The following AMPD3 variants were observed in gnomAD, a reference collection of about 807,000 sequenced individuals.
AMPD3 encodes adenosine monophosphate deaminase 3, also known as AMP deaminase 3.
A neutral mutation model predicts 82.3 loss-of-function variants in AMPD3; 57 were observed. The observed-to-expected ratio is 0.69, with a 90% CI of 0.56 to 0.86. AMPD3 has a LOEUF of 0.86. Among genes scored for constraint, AMPD3 ranks in the 40% least tolerant of loss-of-function variants. The pLI is 0.00. For synonymous variants in AMPD3, 381 were observed against 394.7 expected (o/e 0.97, Z 0.41); for missense variants, 870 against 1,003.8 (o/e 0.87, Z 1.80).
chr11:10,497,586 G>A (rs1352168388), intron 10 of AMPD3: 15 of 985,316 alleles, frequency 1.5e-5, no homozygotes, highest in Non-Finnish European at 1.8e-5. Context: ...GGGAGCCCGA[G>A]GGCTGGGGCA....
intron 3 of AMPD3, chr11:10,481,800 A>C: frequency 2.0e-6 from 1 of 505,066 alleles, no homozygotes; most frequent in Non-Finnish European, 3.6e-6. Flanking sequence ...CAGGGTTTTC[A>C]CTGGGGCTGG....
intron 3 of AMPD3, among the ~76,000 whole-genome samples, 175 bp downstream of exon 3, chr11:10,478,905 G>A (rs987022511): frequency 6.6e-6 from 1 of 152,120 alleles, no homozygotes; most frequent in Non-Finnish European, 1.5e-5. Flanking sequence ...GGGTGTGGGT[G>A]TGGTGTCTCG....
At chr11:10,485,253 T>G (rs7101748) in intron 5 of AMPD3, among the ~76,000 whole-genome samples, 2 of 152,064 alleles carry the variant, frequency 1.3e-5, no homozygotes, top group African/African-American at 4.8e-5. Flanking sequence ...CCCTGTCCCC[T>G]CTTTTGTTTT....
Position 10,482,058 on chromosome 11 carries a change from T to C in AMPD3, c.427-5T>C. The C allele has an allele frequency of 6.2e-7, 1 of 1,614,204 alleles. No individual in the cohort carries two copies. On this transcript the variant is annotated splice_polypyrimidine_tract_variant and splice_region_variant and intron_variant, in intron 3 of 14. Coordinates refer to ENST00000396553, the MANE Select transcript of AMPD3 (RefSeq NM_001025389.2). The stretch of plus-strand genomic sequence containing the variant: ...AACCCTTTCCTGCCTGCCTCCCTTC[T>C]GCAGATCACTTTGGAGGACTATGAG...
At chr11:10,460,921 T>C (rs1848250951) in intron 1 of AMPD3, 4 of 985,268 alleles carry the variant, frequency 4.1e-6, no homozygotes, top group Non-Finnish European at 3.6e-6. Flanking sequence ...TTCTAAAACC[T>C]TTATTTTATT....
intron 4 of AMPD3, among the ~76,000 whole-genome samples, chr11:10,482,547 TG>T (rs1848943523): frequency 6.6e-6 from 1 of 152,080 alleles, no homozygotes; most frequent in Non-Finnish European, 1.5e-5. Context: ...GGTCTTGCTC[TG>T]TTGCTCAGGC....
At chr11:10,496,752 C>A in intron 9 of AMPD3, 60 bp from the exon 10 acceptor site, 1 of 1,613,560 alleles carries the variant, frequency 6.2e-7, no homozygotes, top group Non-Finnish European at 8.5e-7. Flanking sequence ...TGGGGCTGGT[C>A]TCTGACAGGG....
At chr11:10,496,369 C>A (rs1849400231) in intron 9 of AMPD3, 1 of 985,314 alleles carries the variant, frequency 1.0e-6, no homozygotes, top group Admixed American at 6.1e-5. Flanking sequence ...CATTGCTGGC[C>A]TCTCCCTGGA....
At chr11:10,452,768 T>C (rs1847992731), upstream of AMPD3, among the ~76,000 whole-genome samples, 1 of 152,228 alleles carries the variant, frequency 6.6e-6, no homozygotes, top group Non-Finnish European at 1.5e-5. Flanking sequence ...CTATGCCAGG[T>C]ACCAGTCTAA....
At chr11:10,468,665 C>T (rs1343846936) in intron 2 of AMPD3, among the ~76,000 whole-genome samples, 1 of 151,018 alleles carries the variant, frequency 6.6e-6, no homozygotes, top group African/African-American at 2.4e-5. Flanking sequence ...GGAACAAGCT[C>T]CAACCCAAAT....
At chr11:10,476,492 G>GT (rs904788953) in intron 2 of AMPD3, among the ~76,000 whole-genome samples, 10 of 150,782 alleles carry the variant, frequency 6.6e-5, no homozygotes, top group Admixed American at 2.6e-4. Flanking sequence ...TGTGTGTGTG[G>GT]TTTTTTTTTA....
chr11:10,497,568 G>A (rs1345965449), intron 10 of AMPD3: 1 of 985,264 alleles, frequency 1.0e-6, no homozygotes, highest in African/African-American at 1.7e-5. Flanking sequence ...ACAGGGAGAG[G>A]CACAGCGGGG....
upstream of AMPD3, chr11:10,450,839 G>T: frequency 8.4e-7 from 1 of 1,196,754 alleles, no homozygotes; most frequent in Non-Finnish European, 1.0e-6. Context: ...CCTCCCGCGG[G>T]GCCCTCCTGG....
intron 10 of AMPD3, 23 bp from the exon 11 acceptor site, chr11:10,500,063 T>C: frequency 6.2e-7 from 1 of 1,614,120 alleles, no homozygotes; most frequent in Non-Finnish European, 8.5e-7. Flanking sequence ...CTTGGCCTGG[T>C]GCTCAGGACC....
intron 6 of AMPD3, 88 bp from the exon 7 acceptor site, chr11:10,493,261 G>C (rs1849291892): frequency 6.7e-7 from 1 of 1,491,622 alleles, no homozygotes; most frequent in Non-Finnish European, 9.3e-7. Flanking sequence ...AGGTGCTGGG[G>C]TTCTGTGCAC....
chr11:10,487,666 C>T (rs1849114610), intron 6 of AMPD3, among the ~76,000 whole-genome samples: 1 of 152,182 alleles, frequency 6.6e-6, no homozygotes, highest in Non-Finnish European at 1.5e-5. Context: ...ATTAATTGGT[C>T]ATAAAAGTTG....
chr11:10,502,707 T>C lies in AMPD3; in HGVS notation c.1843-14T>C. 1 of 1,613,956 alleles carries C rather than the reference T, an allele frequency of 6.2e-7. No individual in the cohort carries two copies. Among genetic ancestry groups the C allele is most frequent in the South Asian group, 1.1e-5 (1 of 91,088 alleles). ...TCTGGCACTTGTCACATGAGTTCGG[T>C]GGTTCTTTTGCAGAGTCCGGTATTG... On this transcript the variant is annotated splice_polypyrimidine_tract_variant and intron_variant, in intron 12 of 14. Transcript: ENST00000396553.
At chr11:10,490,126 G>A (rs897480579) in intron 6 of AMPD3, among the ~76,000 whole-genome samples, 8 of 152,216 alleles carry the variant, frequency 5.3e-5, no homozygotes, top group African/African-American at 1.2e-4. Context: ...CAGGAGCTGC[G>A]ACGTGGCCGT....
chr11:10,506,032 C>G lies in AMPD3; in HGVS notation c.*148C>G. ...AACTGGTGATTTTGGTTGCACTGCT[C>G]ACTTTAAGAGTTAACATGCTCACTT... On this transcript the variant is annotated 3_prime_UTR_variant, in exon 15 of 15. Transcript: ENST00000396553. The surrounding 1 kb of genome is among the most constrained non-coding windows in gnomAD (Gnocchi z 4.1). The G allele has an allele frequency of 1.2e-6, 1 of 839,772 alleles. No individual in the cohort carries two copies. Among genetic ancestry groups the G allele is most frequent in the Non-Finnish European group, 2.0e-6 (1 of 510,238 alleles). The allele number at this position is 839,772 out of a possible 1,614,324, so 52.0% of individuals were successfully genotyped here. A position where few individuals can be genotyped will look rare whatever the true frequency, so the allele number is the denominator to read the frequency against.
Sources: allele counts gnomAD v4.1 joint callset (sites outside exome capture counted in the v4.1 genomes callset), GRCh38; gene constraint gnomAD v4.1.1; non-coding constraint Gnocchi (gnomAD v3.1); transcripts MANE v1.5; gene names NCBI Gene and HGNC (gene_info 2026-07-23, HGNC 2026-07-21).